SH3RF3: variants seen among roughly 807,000 people sequenced by gnomAD.
The protein encoded by SH3RF3 is E3 ubiquitin-protein ligase SH3RF3.
A neutral mutation model predicts 66.3 loss-of-function variants in SH3RF3; 29 were observed. The observed-to-expected ratio is 0.44, with a 90% CI of 0.33 to 0.60. The LOEUF (loss-of-function observed/expected upper bound fraction) is 0.60, where lower values mean the gene tolerates loss of function less well. Among genes scored for constraint, SH3RF3 ranks in the 20% least tolerant of loss-of-function variants. The pLI, the probability that SH3RF3 is intolerant of heterozygous loss-of-function variation, is 0.04. For missense variants in SH3RF3, 1,194 were observed against 1,190.9 expected, an observed-to-expected ratio of 1.00 and a Z score of -0.04; for synonymous variants, 583 against 532.0, an observed-to-expected ratio of 1.10 and a Z score of -1.32.
At chr2:109,357,791 C>T (rs62152244) in intron 2 of SH3RF3, among the ~76,000 whole-genome samples, 42,543 of 152,094 alleles carry the variant, frequency 0.28, 6,887 homozygotes, top group Non-Finnish European at 0.37. Context: ...TGTAAGTTCA[C>T]AGCAAAATTG....
chr2:109,247,564 ACT>A (rs1464619439), intron 1 of SH3RF3, among the ~76,000 whole-genome samples: 1 of 151,246 alleles, frequency 6.6e-6, no homozygotes, highest in Non-Finnish European at 1.5e-5. Context: ...CTGTGCAGAA[ACT>A]CTTGCCTGGT....
chr2:109,286,287 A>T (rs747153925), intron 1 of SH3RF3, among the ~76,000 whole-genome samples: 32 of 152,296 alleles, frequency 2.1e-4, no homozygotes, highest in Admixed American at 2.6e-4. Context: ...ATGATGGAAA[A>T]GTGTGGTCAA....
chr2:109,188,102 C>T (rs1490683950), intron 1 of SH3RF3, among the ~76,000 whole-genome samples: 3 of 152,232 alleles, frequency 2.0e-5, no homozygotes, highest in African/African-American at 7.2e-5. Flanking sequence ...GTGCTCTGTG[C>T]GGTGCTCTCG....
chr2:109,408,651 T>C (rs916115799), intron 4 of SH3RF3, among the ~76,000 whole-genome samples: 1 of 152,246 alleles, frequency 6.6e-6, no homozygotes, highest in Non-Finnish European at 1.5e-5. Context: ...GCACTGGCAC[T>C]CTCAGACAGA....
chr2:109,413,757 C>T (rs1676653584), intron 4 of SH3RF3, among the ~76,000 whole-genome samples: 1 of 152,242 alleles, frequency 6.6e-6, no homozygotes, highest in Admixed American at 6.5e-5. Context: ...AGTTTGCAGA[C>T]TTCTCTGTTA....
At chr2:109,366,725 C>T (rs13399053) in intron 2 of SH3RF3, among the ~76,000 whole-genome samples, 70 of 152,238 alleles carry the variant, frequency 4.6e-4, no homozygotes, top group African/African-American at 1.5e-3. Context: ...TGGTGGCACA[C>T]GCCTGTGGTC....
At chr2:109,500,259 C>T (rs1679355842) in intron 9 of SH3RF3, among the ~76,000 whole-genome samples, 1 of 152,140 alleles carries the variant, frequency 6.6e-6, no homozygotes, top group Admixed American at 6.5e-5. Context: ...GAAGAGGGCT[C>T]AGAGGAGCCA....
intron 3 of SH3RF3, among the ~76,000 whole-genome samples, chr2:109,386,416 TAA>T (rs970134624): frequency 6.8e-6 from 1 of 147,300 alleles, no homozygotes. Flanking sequence ...ACAAGAAGTT[TAA>T]AAAAAAAAAA....
intron 1 of SH3RF3, among the ~76,000 whole-genome samples, chr2:109,160,739 G>A (rs147277668): frequency 6.0e-4 from 92 of 152,274 alleles, no homozygotes; most frequent in Middle Eastern, 3.4e-3. Context: ...TCTGGGAGCT[G>A]GTCTGGAAGG....
At chr2:109,146,526 T>C (rs1677101361) in intron 1 of SH3RF3, among the ~76,000 whole-genome samples, 1 of 152,122 alleles carries the variant, frequency 6.6e-6, no homozygotes, top group East Asian at 1.9e-4. Context: ...TTCCTAGCAC[T>C]TTCTTGTTTC....
chr2:109,454,675 C>T (rs1167866723), intron 8 of SH3RF3, among the ~76,000 whole-genome samples: 1 of 152,134 alleles, frequency 6.6e-6, no homozygotes, highest in African/African-American at 2.4e-5. Context: ...ATGGGATAAA[C>T]AGAATGAAAC....
intron 8 of SH3RF3, among the ~76,000 whole-genome samples, chr2:109,452,316 C>T (rs963676042): frequency 1.2e-4 from 19 of 152,146 alleles, no homozygotes; most frequent in Non-Finnish European, 2.5e-4. Context: ...AAACAGGCTT[C>T]CTAACTTTGG....
chr2:109,320,994 C>G (rs1682012386), intron 1 of SH3RF3, among the ~76,000 whole-genome samples: 1 of 152,188 alleles, frequency 6.6e-6, no homozygotes. Flanking sequence ...TGTAAGGCAT[C>G]TACATACCTA....
At position 109,481,502 on chromosome 2, in the gene SH3RF3, G is replaced by C. The variant is rs1267190067; in HGVS notation, c.2149-9103G>C. Among the ~76,000 whole-genome samples, 3 of 152,268 alleles carry C rather than the reference G, an allele frequency of 2.0e-5. No homozygotes were observed. The South Asian group carries it at 6.2e-4, about 32-fold the overall frequency. On this transcript the variant is annotated intron_variant, in intron 8 of 9. Coordinates refer to ENST00000309415, the MANE Select transcript of SH3RF3 (RefSeq NM_001099289.3). The stretch of plus-strand genomic sequence containing the variant: ...ATTTCAGGACTTGGAGAACCTCCTC[G>C]GCCTGTTATTGCTCGGGAAGTTTCC...
intron 1 of SH3RF3, among the ~76,000 whole-genome samples, chr2:109,198,440 C>T (rs1454474343): frequency 6.6e-6 from 1 of 152,196 alleles, no homozygotes; most frequent in South Asian, 2.1e-4. Flanking sequence ...CTTGGGTACC[C>T]TGCCCAGCAC....
At chr2:109,147,789 G>A (rs983163386) in intron 1 of SH3RF3, among the ~76,000 whole-genome samples, 4 of 152,152 alleles carry the variant, frequency 2.6e-5, no homozygotes, top group African/African-American at 7.2e-5. Flanking sequence ...AAAATATCCC[G>A]AATTGGAGCC....
At chr2:109,371,706 C>G in intron 3 of SH3RF3, 25 bp downstream of exon 3, 2 of 1,603,350 alleles carry the variant, frequency 1.2e-6, no homozygotes, top group Non-Finnish European at 1.7e-6. Context: ...CCCTCCCACA[C>G]TTGGCTCCTT....
intron 8 of SH3RF3, among the ~76,000 whole-genome samples, chr2:109,456,276 C>T (rs970144309): frequency 4.6e-5 from 7 of 152,204 alleles, no homozygotes; most frequent in Non-Finnish European, 5.9e-5. Flanking sequence ...GGAGCACCGG[C>T]GACTCCAGGT....
chr2:109,263,858 G>T (rs1421196952), intron 1 of SH3RF3, among the ~76,000 whole-genome samples: 1 of 152,170 alleles, frequency 6.6e-6, no homozygotes, highest in African/African-American at 2.4e-5. Flanking sequence ...GTCCCCAGCT[G>T]CTCGGGAGGC....
Sources: allele counts gnomAD v4.1 joint callset (sites outside exome capture counted in the v4.1 genomes callset), GRCh38; gene constraint gnomAD v4.1.1; transcripts MANE v1.5; gene names NCBI Gene and HGNC (gene_info 2026-07-23, HGNC 2026-07-21).